The following CNTNAP2 variants were observed in gnomAD, a reference collection of about 807,000 sequenced individuals.
CNTNAP2 encodes the protein contactin-associated protein-like 2.
CNTNAP2 carries 98 observed loss-of-function variants against 155.2 expected under a neutral mutation model. That is an observed-to-expected ratio of 0.63 (90% confidence interval 0.54 to 0.75). The LOEUF is 0.75. Ranked by LOEUF, CNTNAP2 falls within the 30% of genes least tolerant of loss-of-function variation. The probability of loss-of-function intolerance (pLI) is 0.00; values close to 1 mark genes in which losing one functional copy is unlikely to be tolerated. For synonymous variants in CNTNAP2, 651 were observed against 631.2 expected (o/e 1.03, Z -0.47); for missense variants, 1,727 against 1,688.1 (o/e 1.02, Z -0.40).
chr7:147,544,754 C>T (rs1366144549), intron 11 of CNTNAP2, among the ~76,000 whole-genome samples: 1 of 152,028 alleles, frequency 6.6e-6, no homozygotes, highest in Non-Finnish European at 1.5e-5. Flanking sequence ...ATCATGGGGG[C>T]AGTTCCCCCA....
In CNTNAP2 at chr7:148,028,638, G is replaced by A. The variant is rs374706952; in HGVS notation, c.2383+50649G>A. On this transcript the variant is annotated intron_variant, in intron 15 of 23. Coordinates refer to ENST00000361727, the MANE Select transcript of CNTNAP2 (RefSeq NM_014141.6). ...AAAGCCATTTAAAGCATTCTGTGTA[G>A]GGAGAATAAAGTGAGACACAACCTG... Among the ~76,000 whole-genome samples the A allele has an allele frequency of 6.5e-4, 99 of 152,216 alleles. 1 individual carries two copies. The East Asian group carries it at 6.8e-3, about 10-fold the overall frequency.
At chr7:146,171,145 G>T (rs1289800601) in intron 1 of CNTNAP2, among the ~76,000 whole-genome samples, 1 of 152,124 alleles carries the variant, frequency 6.6e-6, no homozygotes, top group South Asian at 2.1e-4. Flanking sequence ...CTGCTATACT[G>T]AGTAGAGTTT....
intron 3 of CNTNAP2, among the ~76,000 whole-genome samples, chr7:146,969,739 C>T (rs1797740960): frequency 6.6e-6 from 1 of 151,952 alleles, no homozygotes; most frequent in Non-Finnish European, 1.5e-5. Flanking sequence ...CAAAAAAGAG[C>T]CTGCATCGCC....
chr7:147,749,280 G>A (rs947766268), intron 13 of CNTNAP2, among the ~76,000 whole-genome samples: 2 of 152,156 alleles, frequency 1.3e-5, no homozygotes, highest in African/African-American at 2.4e-5. Context: ...GATTAAAGCA[G>A]TCTACAAAAG....
intron 21 of CNTNAP2, among the ~76,000 whole-genome samples, chr7:148,321,712 G>A (rs1402014980): frequency 6.6e-6 from 1 of 152,090 alleles, no homozygotes; most frequent in Non-Finnish European, 1.5e-5. Context: ...CAATCATCAG[G>A]CAAATAATAT....
chr7:146,679,635 G>A (rs991624879), intron 1 of CNTNAP2, among the ~76,000 whole-genome samples: 14 of 152,060 alleles, frequency 9.2e-5, no homozygotes, highest in Non-Finnish European at 1.9e-4. Flanking sequence ...GATTACAGGC[G>A]TGAGCCACCG....
chr7:147,050,162 A>G (rs1375994017), intron 4 of CNTNAP2, among the ~76,000 whole-genome samples: 4 of 152,202 alleles, frequency 2.6e-5, no homozygotes, highest in Non-Finnish European at 5.9e-5. Flanking sequence ...CTTTTGATTC[A>G]GTGAGCTTTC....
intron 3 of CNTNAP2, among the ~76,000 whole-genome samples, chr7:146,852,535 A>G (rs537435949): frequency 1.3e-5 from 2 of 152,192 alleles, no homozygotes; most frequent in South Asian, 4.1e-4. Context: ...AACTCCATAC[A>G]GTAGTTTATT....
At chr7:148,001,670 G>T (rs1801900370) in intron 15 of CNTNAP2, among the ~76,000 whole-genome samples, 2 of 152,156 alleles carry the variant, frequency 1.3e-5, no homozygotes, top group African/African-American at 4.8e-5. Context: ...ACATTAATGT[G>T]CATCTTAATG....
chr7:147,094,855 G>T (rs1038365021), intron 4 of CNTNAP2, among the ~76,000 whole-genome samples: 1 of 152,006 alleles, frequency 6.6e-6, no homozygotes, highest in East Asian at 1.9e-4. Context: ...AAACTAGATA[G>T]CTTATAAATA....
intron 1 of CNTNAP2, among the ~76,000 whole-genome samples, chr7:146,281,126 A>C (rs987449058): frequency 1.3e-5 from 2 of 152,150 alleles, no homozygotes; most frequent in African/African-American, 4.8e-5. Flanking sequence ...TTAATTTTTT[A>C]GATCATCTGA....
intron 21 of CNTNAP2, among the ~76,000 whole-genome samples, chr7:148,341,421 A>T (rs993436659): frequency 6.6e-6 from 1 of 152,208 alleles, no homozygotes; most frequent in Non-Finnish European, 1.5e-5. Flanking sequence ...AGAACCAATA[A>T]TAGCAACCAT....
intron 14 of CNTNAP2, among the ~76,000 whole-genome samples, chr7:147,973,651 A>G (rs978690942): frequency 6.6e-6 from 1 of 152,242 alleles, no homozygotes. Context: ...CAGCCTAGCT[A>G]AAGACATCTT....
intron 5 of CNTNAP2, among the ~76,000 whole-genome samples, chr7:147,115,492 A>G (rs1800967857): frequency 1.3e-5 from 2 of 152,050 alleles, no homozygotes; most frequent in South Asian, 4.2e-4. Flanking sequence ...ATAATTCCAT[A>G]TTTCTCAGAG....
At chr7:146,225,707 C>T (rs897276618) in intron 1 of CNTNAP2, among the ~76,000 whole-genome samples, 5 of 152,182 alleles carry the variant, frequency 3.3e-5, no homozygotes, top group Admixed American at 2.0e-4. Context: ...CTAACCTATC[C>T]TCTATCCTCA....
chr7:147,589,394 C>T (rs866220701), intron 12 of CNTNAP2, among the ~76,000 whole-genome samples: 21 of 152,168 alleles, frequency 1.4e-4, no homozygotes, highest in Middle Eastern at 3.4e-3. Flanking sequence ...ATAATAAAGG[C>T]TTATGGACCC....
rs564449732 is a variant in CNTNAP2 at position 147,054,758 on chromosome 7, T to G, written c.550+10704T>G. On this transcript the variant is annotated intron_variant, in intron 4 of 23. Coordinates refer to ENST00000361727, the MANE Select transcript of CNTNAP2 (RefSeq NM_014141.6). Reference sequence around the variant, plus strand: ...TATTTAGTATGCACACTTTAAAAATTTCAAGCAATTTAAATTACTTGAATT... The same window carrying G: ...TATTTAGTATGCACACTTTAAAAATGTCAAGCAATTTAAATTACTTGAATT... Among the ~76,000 whole-genome samples the G allele has an allele frequency of 5.3e-5, 8 of 152,260 alleles. No individual in the cohort carries two copies. In the South Asian group the frequency reaches 1.7e-3, roughly 32 times the overall value.
chr7:148,384,008 G>A, intron 22 of CNTNAP2, 120 bp downstream of exon 22: 1 of 1,405,512 alleles, frequency 7.1e-7, no homozygotes, highest in Non-Finnish European at 9.7e-7. Context: ...GATTAAGAAA[G>A]GGCAAAGGAA....
Position 147,562,274 on chromosome 7 carries a change from T to C in CNTNAP2, c.1897+17T>C, listed in dbSNP as rs753829271. On this transcript the variant is annotated intron_variant, in intron 12 of 23. Transcript: ENST00000361727. ...ACATGACAGGTAACTGTGTCATATT[T>C]ATGTTTTATGAAGATGCTTTTCTAT... is the stretch of plus-strand genomic sequence containing the variant. 6 of 1,613,580 alleles carry C rather than the reference T, an allele frequency of 3.7e-6. No individual in the cohort carries two copies. The highest frequency in any genetic ancestry group is 5.1e-6 in the Non-Finnish European group (6 of 1,179,796).
Sources: allele counts gnomAD v4.1 joint callset (sites outside exome capture counted in the v4.1 genomes callset), GRCh38; gene constraint gnomAD v4.1.1; transcripts MANE v1.5; gene names NCBI Gene and HGNC (gene_info 2026-07-23, HGNC 2026-07-21).